Variants in MTAP observed in about 807,000 individuals in gnomAD.
The protein encoded by MTAP is S-methyl-5'-thioadenosine phosphorylase.
A neutral mutation model predicts 33.6 loss-of-function variants in MTAP; 33 were observed. The observed-to-expected ratio is 0.98, with a 90% CI of 0.74 to 1.31. The LOEUF (loss-of-function observed/expected upper bound fraction) is 1.31. Ranked by LOEUF, MTAP falls within the 40% of genes most tolerant of loss-of-function variation. The probability of loss-of-function intolerance (pLI) is 0.00; values close to 1 mark genes in which losing one functional copy is unlikely to be tolerated. For missense variants in MTAP, 367 were observed against 360.0 expected, an observed-to-expected ratio of 1.02 and a Z score of -0.16; for synonymous variants, 148 against 125.7, an observed-to-expected ratio of 1.18 and a Z score of -1.19.
downstream of MTAP, chr9:21,941,096 A>T (rs958518781): frequency 2.1e-5 from 16 of 755,336 alleles, no homozygotes; most frequent in African/African-American, 2.8e-4. Flanking sequence ...TTTAAATTAA[A>T]TTTTAAAATG....
At chr9:21,844,377 T>C (rs1279397375) in intron 5 of MTAP, among the ~76,000 whole-genome samples, 1 of 152,194 alleles carries the variant, frequency 6.6e-6, no homozygotes, top group Non-Finnish European at 1.5e-5. Context: ...TAATTCATTC[T>C]GTGAAGCCAG....
At chr9:21,861,941 C>A in intron 7 of MTAP, 35 bp from the exon 8 acceptor site, 1 of 1,166,356 alleles carries the variant, frequency 8.6e-7, no homozygotes, top group Non-Finnish European at 1.3e-6. Context: ...ATTACGCCAA[C>A]ATGTGAATAT....
chr9:21,886,501 G>A (rs1252980551), intron 1 of MTAP, among the ~76,000 whole-genome samples: 1 of 151,940 alleles, frequency 6.6e-6, no homozygotes, highest in East Asian at 1.9e-4. Context: ...TTTGCTTTTG[G>A]GTTCTTCGTC....
chr9:21,924,245 C>T (rs1019477705), intron 1 of MTAP, among the ~76,000 whole-genome samples: 1 of 151,954 alleles, frequency 6.6e-6, no homozygotes, highest in Non-Finnish European at 1.5e-5. Flanking sequence ...TTTTTTTCTC[C>T]TTTGTTGTAT....
intron 6 of MTAP, among the ~76,000 whole-genome samples, chr9:21,855,319 A>G (rs1162497873): frequency 6.6e-6 from 1 of 152,236 alleles, no homozygotes; most frequent in African/African-American, 2.4e-5. Flanking sequence ...ACAAACAGAG[A>G]AGTCCTTAAG....
intron 1 of MTAP, among the ~76,000 whole-genome samples, chr9:21,921,238 T>C (rs1818782493): frequency 6.6e-6 from 1 of 152,098 alleles, no homozygotes; most frequent in Admixed American, 6.5e-5. Context: ...TGTATTTCTG[T>C]GGTCTCATTT....
intron 1 of MTAP, among the ~76,000 whole-genome samples, chr9:21,897,802 C>T (rs1818321147): frequency 6.6e-6 from 1 of 152,192 alleles, no homozygotes; most frequent in Admixed American, 6.5e-5. Context: ...AATGGCCATA[C>T]TGCCCACAGT....
downstream of MTAP, among the ~76,000 whole-genome samples, chr9:21,938,267 CCTT>C (rs1819074360): frequency 6.8e-6 from 1 of 147,008 alleles, no homozygotes. Flanking sequence ...GAGCGAGAGT[CCTT>C]CTCAAAAAAA....
chr9:21,880,863 C>T (rs1413470416), intron 1 of MTAP, among the ~76,000 whole-genome samples: 1 of 151,964 alleles, frequency 6.6e-6, no homozygotes, highest in Non-Finnish European at 1.5e-5. Flanking sequence ...AACACAATCC[C>T]TATAAAAATC....
downstream of MTAP, among the ~76,000 whole-genome samples, chr9:21,937,867 C>G (rs1361164581): frequency 6.6e-6 from 1 of 152,160 alleles, no homozygotes; most frequent in African/African-American, 2.4e-5. Context: ...AGGTCAGGCA[C>G]AGTGGCTCAG....
chr9:21,835,939 A>G (rs570089649), intron 4 of MTAP, among the ~76,000 whole-genome samples: 1 of 152,288 alleles, frequency 6.6e-6, no homozygotes, highest in South Asian at 2.1e-4. Flanking sequence ...TCTCGTCTGC[A>G]CCTTCCCTTC....
chr9:21,930,716 T>C (rs1563874830), intron 1 of MTAP: 2 of 629,900 alleles, frequency 3.2e-6, no homozygotes, highest in Middle Eastern at 4.3e-4. Flanking sequence ...AAGGACTAGA[T>C]ATGTTAATGG....
chr9:21,872,528 A>G (rs1825952718), intron 1 of MTAP, among the ~76,000 whole-genome samples: 2 of 152,226 alleles, frequency 1.3e-5, no homozygotes, highest in South Asian at 2.1e-4. Flanking sequence ...GTCTACAGAT[A>G]TACACTGTCA....
chr9:21,823,383 G>T (rs1292837743), intron 4 of MTAP, among the ~76,000 whole-genome samples: 1 of 152,114 alleles, frequency 6.6e-6, no homozygotes, highest in South Asian at 2.1e-4. Context: ...GCTTAGTTTG[G>T]CTGGATATGA....
chr9:21,808,421 CA>C (rs55707328), intron 1 of MTAP, among the ~76,000 whole-genome samples: 52,812 of 143,194 alleles, frequency 0.37, 9,660 homozygotes, highest in East Asian at 0.44. Flanking sequence ...CTCATCTCTG[CA>C]AAAAAAAAAA....
intron 4 of MTAP, among the ~76,000 whole-genome samples, chr9:21,822,353 G>A (rs1378410986): frequency 6.6e-6 from 1 of 152,180 alleles, no homozygotes; most frequent in Non-Finnish European, 1.5e-5. Context: ...TGGTTTCAAA[G>A]AACATCTTTA....
intron 5 of MTAP, among the ~76,000 whole-genome samples, chr9:21,843,274 A>G (rs1825296570): frequency 6.6e-6 from 1 of 152,176 alleles, no homozygotes; most frequent in Admixed American, 6.5e-5. Context: ...ACAATTACTA[A>G]TAGGCCTAAG....
In MTAP at chr9:21,862,857, C is replaced by A; in HGVS notation, c.*843C>A. On this transcript the variant is annotated 3_prime_UTR_variant, in exon 8 of 8. Transcript: ENST00000644715. The stretch of plus-strand genomic sequence containing the variant: ...GGGATACTGGGATAATTTTTATTTT[C>A]TTTGAATCTTTCTGTGTCTTCACAT... 1.4e-6 allele frequency: 1 copy of A among 734,268 alleles called. No homozygotes were observed. Among genetic ancestry groups the A allele is most frequent in the Non-Finnish European group, 1.7e-6 (1 of 602,306 alleles). 45.5% of individuals were successfully genotyped at this position (734,268 alleles called of 1,614,324 possible).
At chr9:21,852,396 A>G (rs1825534625) in intron 5 of MTAP, among the ~76,000 whole-genome samples, 4 of 151,896 alleles carry the variant, frequency 2.6e-5, no homozygotes. Flanking sequence ...CTGTAATCCC[A>G]GCTAATCAGG....
Sources: gnomAD v4.1 joint callset for allele counts (sites outside exome capture counted in the v4.1 genomes callset) on GRCh38, gnomAD v4.1.1 for gene constraint, MANE v1.5 for transcripts, NCBI Gene and HGNC (gene_info 2026-07-23, HGNC 2026-07-21) for gene names.